TRDN: variants seen among roughly 807,000 people sequenced by gnomAD.
The protein encoded by TRDN is triadin in skeletal muscle.
A neutral mutation model predicts 149.7 loss-of-function variants in TRDN; 161 were observed. The ratio of observed to expected loss-of-function variants is 1.08; its 90% CI spans 0.95 to 1.23. TRDN has a LOEUF of 1.23. TRDN is among the 50% of genes most tolerant of loss of function. The pLI, the probability that TRDN is intolerant of heterozygous loss-of-function variation, is 0.00. For missense variants in TRDN, 896 were observed against 823.5 expected (o/e 1.09, Z -1.08); for synonymous variants, 294 against 250.5 (o/e 1.17, Z -1.64).
intron 29 of TRDN, among the ~76,000 whole-genome samples, chr6:123,272,705 G>T (rs1777244076): frequency 6.6e-6 from 1 of 151,896 alleles, no homozygotes; most frequent in Admixed American, 6.6e-5. Context: ...TCATCTAAGT[G>T]CTGGGTGACT....
chr6:123,548,635 A>G (rs1391089222), intron 2 of TRDN, 23 bp from the exon 3 acceptor site: 13 of 1,347,974 alleles, frequency 9.6e-6, no homozygotes, highest in Non-Finnish European at 1.2e-5. Flanking sequence ...AAAAAAAAAA[A>G]AAAAGAAAAA....
At chr6:123,247,088 T>C (rs1776209093) in intron 38 of TRDN, among the ~76,000 whole-genome samples, 1 of 152,178 alleles carries the variant, frequency 6.6e-6, no homozygotes, top group Non-Finnish European at 1.5e-5. Flanking sequence ...AACTAGGTAT[T>C]GATGGAATGT....
At chr6:123,387,241 T>G (rs375435240) in intron 14 of TRDN, among the ~76,000 whole-genome samples, 1 of 152,186 alleles carries the variant, frequency 6.6e-6, no homozygotes, top group Non-Finnish European at 1.5e-5. Flanking sequence ...CAAACAGCTT[T>G]TATTTACGTA....
intron 9 of TRDN, among the ~76,000 whole-genome samples, chr6:123,479,446 C>T (rs1777645561): frequency 1.3e-5 from 2 of 152,090 alleles, no homozygotes; most frequent in African/African-American, 4.8e-5. Flanking sequence ...TCTATAATTC[C>T]CCACAAGTGG....
intron 1 of TRDN, among the ~76,000 whole-genome samples, chr6:123,583,708 G>C (rs978701765): frequency 2.0e-5 from 3 of 152,040 alleles, no homozygotes; most frequent in African/African-American, 7.3e-5. Flanking sequence ...GGCCTTCTCA[G>C]ACCCTGTAGG....
chr6:123,294,999 G>A (rs1295250562), intron 24 of TRDN, among the ~76,000 whole-genome samples: 1 of 152,130 alleles, frequency 6.6e-6, no homozygotes, highest in Non-Finnish European at 1.5e-5. Context: ...TTAAGGAGGA[G>A]TATCTAATCT....
At chr6:123,406,307 G>GA (rs1444190096) in intron 12 of TRDN, among the ~76,000 whole-genome samples, 1 of 152,078 alleles carries the variant, frequency 6.6e-6, no homozygotes, top group African/African-American at 2.4e-5. Context: ...ACTATTATTT[G>GA]AATAAAAAGT....
intron 24 of TRDN, among the ~76,000 whole-genome samples, chr6:123,295,227 T>C (rs1330321756): frequency 5.9e-5 from 9 of 152,152 alleles, no homozygotes; most frequent in Non-Finnish European, 1.2e-4. Flanking sequence ...ACTCCTCCCC[T>C]AGAAATGTCT....
intron 1 of TRDN, among the ~76,000 whole-genome samples, chr6:123,596,934 G>A (rs1032129490): frequency 6.6e-6 from 1 of 151,984 alleles, no homozygotes; most frequent in African/African-American, 2.4e-5. Flanking sequence ...TGTTTTTGAT[G>A]CCCCCTAACA....
chr6:123,462,379 G>C (rs1313078848), intron 10 of TRDN: 3 of 152,080 alleles, frequency 2.0e-5, no homozygotes, highest in Non-Finnish European at 1.5e-5. Context: ...TGCAAGTTTT[G>C]TTTCTTAAAT....
intron 38 of TRDN, among the ~76,000 whole-genome samples, chr6:123,227,161 A>T (rs1318541097): frequency 6.6e-6 from 1 of 151,872 alleles, no homozygotes; most frequent in Non-Finnish European, 1.5e-5. Flanking sequence ...AGAAATAAAT[A>T]AGACTAGAGC....
chr6:123,531,049 G>C (rs1780230345), intron 4 of TRDN, among the ~76,000 whole-genome samples: 1 of 151,832 alleles, frequency 6.6e-6, no homozygotes. Flanking sequence ...TCAGCATTTG[G>C]CATTACATTT....
chr6:123,405,173 T>C (rs190654216), intron 12 of TRDN, among the ~76,000 whole-genome samples: 2 of 152,332 alleles, frequency 1.3e-5, no homozygotes, highest in Admixed American at 1.3e-4. Context: ...ATATTCAAAA[T>C]CCATGCTTAT....
At chr6:123,501,641 C>T (rs1326896632) in intron 8 of TRDN, among the ~76,000 whole-genome samples, 1 of 151,890 alleles carries the variant, frequency 6.6e-6, no homozygotes, top group Non-Finnish European at 1.5e-5. Context: ...GAATACTTAC[C>T]TAATGATACA....
intron 12 of TRDN, among the ~76,000 whole-genome samples, chr6:123,397,658 G>A (rs1772788580): frequency 6.6e-6 from 1 of 152,150 alleles, no homozygotes; most frequent in Non-Finnish European, 1.5e-5. Flanking sequence ...CACTGATTAT[G>A]TGTTATTCAG....
intron 34 of TRDN, 46 bp from the exon 35 acceptor site, chr6:123,259,708 G>C: frequency 7.3e-7 from 1 of 1,363,532 alleles, no homozygotes; most frequent in South Asian, 1.3e-5. Flanking sequence ...TAAAAAACAT[G>C]ACTTTCTTAC....
intron 22 of TRDN, among the ~76,000 whole-genome samples, chr6:123,334,731 C>T (rs2114732324): frequency 6.6e-6 from 1 of 151,992 alleles, no homozygotes; most frequent in Middle Eastern, 3.4e-3. Context: ...ACGGTCATCC[C>T]TAGAACTCTA....
chr6:123,529,505 A>G (rs922830691), intron 5 of TRDN: 2 of 735,160 alleles, frequency 2.7e-6, no homozygotes, highest in Non-Finnish European at 4.7e-6. Flanking sequence ...AAAAGAAAGC[A>G]CATGAAGTAT....
chr6:123,599,409 A>G (rs1784180239), intron 1 of TRDN, among the ~76,000 whole-genome samples: 2 of 152,222 alleles, frequency 1.3e-5, no homozygotes, highest in Non-Finnish European at 2.9e-5. Context: ...CCATTGCAAT[A>G]AAGCCATGAG....
Sources: allele counts gnomAD v4.1 joint callset (sites outside exome capture counted in the v4.1 genomes callset), GRCh38; gene constraint gnomAD v4.1.1; transcripts MANE v1.5; gene names NCBI Gene and HGNC (gene_info 2026-07-23, HGNC 2026-07-21).